The following PRKCA variants were observed in gnomAD, a reference collection of about 807,000 sequenced individuals.
The protein encoded by PRKCA is protein kinase C alpha.
A neutral mutation model predicts 87.0 loss-of-function variants in PRKCA; 27 were observed. The ratio of observed to expected loss-of-function variants is 0.31; its 90% CI spans 0.23 to 0.43. The LOEUF is 0.43. Among genes scored for constraint, PRKCA ranks in the 20% least tolerant of loss-of-function variants. The probability of loss-of-function intolerance (pLI) is 1.00; values close to 1 mark genes in which losing one functional copy is unlikely to be tolerated. For missense variants in PRKCA, 518 were observed against 852.3 expected (o/e 0.61, Z 4.88); for synonymous variants, 329 against 311.1 (o/e 1.06, Z -0.61).
intron 16 of PRKCA, among the ~76,000 whole-genome samples, chr17:66,798,285 C>A (rs1194111942): frequency 6.6e-6 from 1 of 152,032 alleles, no homozygotes; most frequent in African/African-American, 2.4e-5. Flanking sequence ...AGAATCTCTT[C>A]CACATTAGGA....
rs115515958 is a variant in PRKCA at position 66,460,312 on chromosome 17, A to G, written c.206-35889A>G. On this transcript the variant is annotated intron_variant, in intron 2 of 16. Coordinates refer to ENST00000413366, the MANE Select transcript of PRKCA (RefSeq NM_002737.3). ...TCTTACTATTACTATATGATTATGT[A>G]TATTTTAAAAATAGCTCCTTCAGAT... is the stretch of plus-strand genomic sequence containing the variant. Among the ~76,000 whole-genome samples, 818 of 152,288 alleles carry G rather than the reference A, an allele frequency of 5.4e-3. 7 individuals carry two copies. The highest frequency in any genetic ancestry group is 0.018 in the African/African-American group (760 of 41,562).
intron 13 of PRKCA, among the ~76,000 whole-genome samples, chr17:66,768,008 A>G (rs973540639): frequency 2.0e-5 from 3 of 152,180 alleles, no homozygotes; most frequent in African/African-American, 7.2e-5. Flanking sequence ...AGTCTAGAGT[A>G]CAGTGGCACA....
chr17:66,352,752 C>T (rs529863601), intron 2 of PRKCA, among the ~76,000 whole-genome samples: 4 of 151,440 alleles, frequency 2.6e-5, no homozygotes, highest in Non-Finnish European at 4.4e-5. Context: ...TTGGTAGAGA[C>T]GGGGTTTCAC....
chr17:66,767,460 C>T (rs145758394), intron 13 of PRKCA, among the ~76,000 whole-genome samples: 1 of 152,138 alleles, frequency 6.6e-6, no homozygotes, highest in South Asian at 2.1e-4. Context: ...TGGATTTTCA[C>T]TCACCCAAAG....
chr17:66,560,285 G>A lies in PRKCA; in HGVS notation c.288+64002G>A, dbSNP rs187441735. Among the ~76,000 whole-genome samples, 968 of 152,156 alleles carry A rather than the reference G, an allele frequency of 6.4e-3. 33 individuals are homozygous for A. The highest frequency in any genetic ancestry group is 0.055 in the Admixed American group (846 of 15,276). ...AATTGTCAGGGAGAGCTTCAGCTGGGCCCAAAGGAAATCAAGAAAAGAGCA... is the reference window on the plus strand; with the variant it reads ...AATTGTCAGGGAGAGCTTCAGCTGGACCCAAAGGAAATCAAGAAAAGAGCA... On this transcript the variant is annotated intron_variant, in intron 3 of 16. Transcript: ENST00000413366.
intron 2 of PRKCA, among the ~76,000 whole-genome samples, chr17:66,326,393 C>T (rs895307667): frequency 2.6e-5 from 4 of 152,152 alleles, no homozygotes; most frequent in African/African-American, 9.7e-5. Context: ...AGAGCATGCT[C>T]TTTAATTTCC....
Position 66,488,249 on chromosome 17 carries a change from A to G in PRKCA, c.206-7952A>G, listed in dbSNP as rs189519949. ...CTCATTCAAACTGGCGTGAACAATA[A>G]AAGCGTGTATGATATGACTTTGTGG... On this transcript the variant is annotated intron_variant, in intron 2 of 16. Coordinates refer to ENST00000413366, the MANE Select transcript of PRKCA (RefSeq NM_002737.3). Among the ~76,000 whole-genome samples, 967 of 152,328 alleles carry G rather than the reference A, an allele frequency of 6.3e-3. 30 individuals carry two copies. The highest frequency in any genetic ancestry group is 0.055 in the Admixed American group (837 of 15,298).
rs1976115460 is a variant in PRKCA at position 66,809,461 on chromosome 17, T to C, written c.*5424T>C. On this transcript the variant is annotated 3_prime_UTR_variant, in exon 17 of 17. Transcript: ENST00000413366. ...AGTAGAGCAACTGAATATACTGGGC[T>C]ATTTGTACTTTTTTATAGAGAACTT... The C allele has an allele frequency of 6.6e-6, 1 of 152,558 alleles. No homozygotes were observed. 9.5% of individuals were successfully genotyped at this position (152,558 alleles called of 1,614,324 possible).
At chr17:66,723,050 C>T (rs1973651578) in intron 8 of PRKCA, among the ~76,000 whole-genome samples, 1 of 152,232 alleles carries the variant, frequency 6.6e-6, no homozygotes, top group South Asian at 2.1e-4. Flanking sequence ...AGACCCATTG[C>T]CTCTCCTGCC....
intron 1 of PRKCA, among the ~76,000 whole-genome samples, chr17:66,304,231 T>A (rs1904677570): frequency 6.6e-6 from 1 of 152,068 alleles, no homozygotes; most frequent in South Asian, 2.1e-4. Flanking sequence ...GGAAATTGTG[T>A]TTGTGAATCT....
chr17:66,583,200 G>A (rs1434878134), intron 3 of PRKCA, among the ~76,000 whole-genome samples: 3 of 152,116 alleles, frequency 2.0e-5, no homozygotes, highest in South Asian at 2.1e-4. Context: ...TGAGGTTCCC[G>A]GGTATATGAT....
At chr17:66,387,622 G>T (rs1273125315) in intron 2 of PRKCA, among the ~76,000 whole-genome samples, 2 of 152,214 alleles carry the variant, frequency 1.3e-5, no homozygotes, top group Admixed American at 6.5e-5. Flanking sequence ...AGGCTGGGCT[G>T]TCACTTGCTT....
At chr17:66,319,647 G>C (rs998715465) in intron 2 of PRKCA, among the ~76,000 whole-genome samples, 1 of 151,914 alleles carries the variant, frequency 6.6e-6, no homozygotes, top group Non-Finnish European at 1.5e-5. Flanking sequence ...AAGTAACTGG[G>C]TATCTCTTAC....
Position 66,671,209 on chromosome 17 carries a change from C to CAAAAAAAAA in PRKCA, c.530-15886_530-15878dup, listed in dbSNP as rs778507190. Among the ~76,000 whole-genome samples the CAAAAAAAAA allele has an allele frequency of 1.6e-3, 77 of 48,446 alleles. 4 individuals are homozygous for CAAAAAAAAA. The highest frequency in any genetic ancestry group is 6.7e-3 in the African/African-American group (74 of 11,022). The allele number at this position is 48,446 out of a possible 152,430, so 31.8% of individuals were successfully genotyped here. On this transcript the variant is annotated intron_variant, in intron 5 of 16. Transcript: ENST00000413366. Reference sequence around the variant, plus strand: ...CCAGGAGACAGTGGGAGACTCATCTCAAAAAAAAAAAAAAAAAAAAAAAAG... The same window carrying CAAAAAAAAA: ...CCAGGAGACAGTGGGAGACTCATCTCAAAAAAAAAAAAAAAAAAAAAAAAAAAAAAAAAG...
intron 8 of PRKCA, among the ~76,000 whole-genome samples, chr17:66,717,375 A>G (rs1228437389): frequency 6.6e-6 from 1 of 152,204 alleles, no homozygotes; most frequent in Non-Finnish European, 1.5e-5. Flanking sequence ...GGACCTTTAC[A>G]GAAAAAGTTT....
chr17:66,464,529 C>T (rs925223242), intron 2 of PRKCA, among the ~76,000 whole-genome samples: 7 of 152,130 alleles, frequency 4.6e-5, no homozygotes, highest in South Asian at 2.1e-4. Context: ...TCCTTGTCAG[C>T]GTTTGGTGTT....
chr17:66,506,554 C>G (rs971602604), intron 3 of PRKCA, among the ~76,000 whole-genome samples: 1 of 152,054 alleles, frequency 6.6e-6, no homozygotes, highest in Non-Finnish European at 1.5e-5. Flanking sequence ...GATCACCAGT[C>G]GTATTTATCC....
chr17:66,331,956 G>A (rs1002907174), intron 2 of PRKCA, among the ~76,000 whole-genome samples: 6 of 151,854 alleles, frequency 4.0e-5, no homozygotes, highest in African/African-American at 1.4e-4. Context: ...TCTCTTTCTT[G>A]TTAAACCACT....
chr17:66,734,158 C>G (rs1382542453), intron 9 of PRKCA, among the ~76,000 whole-genome samples: 1 of 152,168 alleles, frequency 6.6e-6, no homozygotes, highest in Non-Finnish European at 1.5e-5. Flanking sequence ...GGTCCTGATC[C>G]AGACCCCAAG....
Sources: allele counts gnomAD v4.1 joint callset (sites outside exome capture counted in the v4.1 genomes callset), GRCh38; gene constraint gnomAD v4.1.1; transcripts MANE v1.5; gene names NCBI Gene and HGNC (gene_info 2026-07-23, HGNC 2026-07-21).